Variants in CD58 observed in about 807,000 individuals in gnomAD.
CD58 encodes CD58 molecule.
Under a neutral mutation model 27.6 loss-of-function variants are expected in CD58, and 14 were observed. The ratio of observed to expected loss-of-function variants is 0.51; its 90% CI spans 0.34 to 0.79. The LOEUF (loss-of-function observed/expected upper bound fraction) is 0.79, where lower values mean the gene tolerates loss of function less well. Among genes scored for constraint, CD58 ranks in the 30% least tolerant of loss-of-function variants. CD58 has a pLI of 0.02. For synonymous variants in CD58, 117 were observed against 103.8 expected (o/e 1.13, Z -0.77); for missense variants, 268 against 301.7 (o/e 0.89, Z 0.83).
chr1:116,551,335 C>T (rs1158651226), intron 1 of CD58, among the ~76,000 whole-genome samples: 1 of 152,356 alleles, frequency 6.6e-6, no homozygotes, highest in African/African-American at 2.4e-5. Flanking sequence ...TGGATAATTT[C>T]TTGCAGCTTC....
rs1571054313 is a variant in CD58, at chr1:116,517,390, A to G, written c.743+1841T>C. Among the ~76,000 whole-genome samples the G allele has an allele frequency of 6.6e-6, 1 of 151,876 alleles. No individual in the cohort carries two copies. The highest frequency in any genetic ancestry group is 6.6e-5 in the Admixed American group (1 of 15,250). On this transcript the variant is annotated intron_variant, in intron 5 of 5. Transcript: ENST00000369489. The surrounding 1 kb of genome is among the most constrained non-coding windows in gnomAD (Gnocchi z 6.5). Reference sequence around the variant, plus strand: ...CTGCCCCTTGTACTTCCTTGCCCCCAGGCCTCCTGCCACAGCTTGTTTCTC... The same window carrying G: ...CTGCCCCTTGTACTTCCTTGCCCCCGGGCCTCCTGCCACAGCTTGTTTCTC...
Position 116,523,398 on chromosome 1 carries a change from AAG to A in CD58, c.629-1417_629-1416del, listed in dbSNP as rs1318316439. ...GGAAGGGAAAGGAAGGGAGAGGAGG[AAG>A]AGAGAGAGAAAATGAATGAATAAAT... On this transcript the variant is annotated intron_variant, in intron 3 of 5. Transcript: ENST00000369489. The surrounding 1 kb of genome is among the most constrained non-coding windows in gnomAD (Gnocchi z 4.4). Among the ~76,000 whole-genome samples, 2 of 152,096 alleles carry A rather than the reference AAG, an allele frequency of 1.3e-5. No individual in the cohort carries two copies. Among genetic ancestry groups the A allele is most frequent in the African/African-American group, 2.4e-5 (1 of 41,398 alleles).
chr1:116,532,919 G>T lies in CD58; in HGVS notation c.628+3046C>A. The T allele has an allele frequency of 9.4e-7, 1 of 1,060,580 alleles. No individual in the cohort carries two copies. Among genetic ancestry groups the T allele is most frequent in the Non-Finnish European group, 1.4e-6 (1 of 720,760 alleles). 65.7% of individuals were successfully genotyped at this position (1,060,580 alleles called of 1,614,324 possible). On this transcript the variant is annotated intron_variant, in intron 3 of 5. Coordinates refer to ENST00000369489, the MANE Select transcript of CD58 (RefSeq NM_001779.3). This position sits in a 1 kb window ranked among gnomAD's most constrained non-coding sequence, Gnocchi z 5.1. ...GGAGTCGCGACAGCCGGTCTGCCAGGCGCCCACCTCCACTTCCTACTGCTG... is the reference window on the plus strand; with the variant it reads ...GGAGTCGCGACAGCCGGTCTGCCAGTCGCCCACCTCCACTTCCTACTGCTG...
At chr1:116,555,518 C>T (rs1658532958) in intron 1 of CD58, among the ~76,000 whole-genome samples, 1 of 152,106 alleles carries the variant, frequency 6.6e-6, no homozygotes, top group Non-Finnish European at 1.5e-5. Flanking sequence ...ATTTTCTATG[C>T]TAGCCAGATA....
In CD58 at chr1:116,516,050, T is replaced by G. The variant is rs145642297; in HGVS notation, c.744-1228A>C. On this transcript the variant is annotated intron_variant, in intron 5 of 5. Coordinates refer to ENST00000369489, the MANE Select transcript of CD58 (RefSeq NM_001779.3). This position sits in a 1 kb window ranked among gnomAD's most constrained non-coding sequence, Gnocchi z 6.1. ...ATACAGAACCTTTTAACATTTTAAT[T>G]TAACTTAATTTTTTTGATGCCCAGG... 6.6e-6 allele frequency among the ~76,000 whole-genome samples: 1 copy of G among 152,228 alleles called. No individual in the cohort carries two copies. The highest frequency in any genetic ancestry group is 1.5e-5 in the Non-Finnish European group (1 of 68,014).
At chr1:116,568,972 A>T (rs1365228524) in intron 1 of CD58, among the ~76,000 whole-genome samples, 1 of 152,254 alleles carries the variant, frequency 6.6e-6, no homozygotes, top group Non-Finnish European at 1.5e-5. Context: ...GCCTATGCAG[A>T]GCAGTTTATA....
chr1:116,561,964 C>T (rs1330053649), intron 1 of CD58, among the ~76,000 whole-genome samples: 1 of 152,156 alleles, frequency 6.6e-6, no homozygotes, highest in East Asian at 1.9e-4. Flanking sequence ...TAACACTGGG[C>T]CTAGTTTTCC....
chr1:116,525,205 T>G (rs1657390781), intron 3 of CD58, among the ~76,000 whole-genome samples: 1 of 152,240 alleles, frequency 6.6e-6, no homozygotes, highest in Non-Finnish European at 1.5e-5. Flanking sequence ...TTCCACCTAT[T>G]CATATCCCCT....
At chr1:116,542,714 G>A (rs999064683) in intron 2 of CD58, among the ~76,000 whole-genome samples, 1 of 152,168 alleles carries the variant, frequency 6.6e-6, no homozygotes, top group Admixed American at 6.5e-5. Flanking sequence ...TCCCGAGGAC[G>A]GCAAGAGGAG....
At chr1:116,537,340 A>C (rs1191984674) in intron 2 of CD58, among the ~76,000 whole-genome samples, 4 of 152,238 alleles carry the variant, frequency 2.6e-5, no homozygotes, top group Non-Finnish European at 5.9e-5. Flanking sequence ...GGGGTGCTTA[A>C]TATGCAGAGG....
In CD58 at chr1:116,528,618, G is replaced by A. The variant is rs542346501; in HGVS notation, c.629-6635C>T. On this transcript the variant is annotated intron_variant, in intron 3 of 5. Transcript: ENST00000369489. The surrounding 1 kb of genome is among the most constrained non-coding windows in gnomAD (Gnocchi z 4.4). ...TTCAAAAAATGTGCCCTTTCCCTAG[G>A]CTCCCATTTAGAGTTCTGTGTCAAT... Among the ~76,000 whole-genome samples the A allele has an allele frequency of 3.5e-4, 54 of 152,242 alleles. No individual in the cohort carries two copies. The highest frequency in any genetic ancestry group is 6.8e-3 in the Middle Eastern group (2 of 294).
At chr1:116,548,487 T>C (rs745938261) in intron 1 of CD58, among the ~76,000 whole-genome samples, 3 of 152,250 alleles carry the variant, frequency 2.0e-5, no homozygotes, top group Non-Finnish European at 2.9e-5. Context: ...AGGTGAAAGA[T>C]GAGGATCCAG....
chr1:116,571,026 C>G lies in CD58; in HGVS notation c.-54G>C. 15 of 1,441,246 alleles carry G rather than the reference C, an allele frequency of 1.0e-5. No individual in the cohort carries two copies. Among genetic ancestry groups the G allele is most frequent in the Non-Finnish European group, 1.4e-5 (15 of 1,074,292 alleles). 89.3% of individuals were successfully genotyped at this position (1,441,246 alleles called of 1,614,324 possible). ...GCCCAGCCACAAGCAGCCCTAAGTT[C>G]AAGCACCGCCTACGCGGTCGGCCAG... On this transcript the variant is annotated 5_prime_UTR_variant, in exon 1 of 6. Coordinates refer to ENST00000369489, the MANE Select transcript of CD58 (RefSeq NM_001779.3).
Position 116,522,017 on chromosome 1 carries a change from T to C in CD58, c.629-34A>G. The C allele has an allele frequency of 1.7e-6, 2 of 1,186,612 alleles. No homozygotes were observed. The highest frequency in any genetic ancestry group is 1.5e-5 in the African/African-American group (1 of 65,674). The allele number at this position is 1,186,612 out of a possible 1,614,324, so 73.5% of individuals were successfully genotyped here. The stretch of plus-strand genomic sequence containing the variant: ...AAGAAAAGAAAAGAAATTCAACTAG[T>C]TGAACTGATCAAAATGGATCCTCAT... On this transcript the variant is annotated intron_variant, in intron 3 of 5. Transcript: ENST00000369489. The surrounding 1 kb of genome is among the most constrained non-coding windows in gnomAD (Gnocchi z 4.6).
At chr1:116,567,118 C>A (rs1375537059) in intron 1 of CD58, among the ~76,000 whole-genome samples, 2 of 147,544 alleles carry the variant, frequency 1.4e-5, no homozygotes, top group African/African-American at 5.0e-5. Context: ...CTAGCCTGGG[C>A]AACAGAGTGA....
Position 116,519,376 on chromosome 1 carries a change from C to T in CD58, c.707-109G>A. 1 of 919,822 alleles carries T rather than the reference C, an allele frequency of 1.1e-6. No homozygotes were observed. The highest frequency in any genetic ancestry group is 1.4e-5 in the South Asian group (1 of 71,380). The allele number at this position is 919,822 out of a possible 1,614,324, so 57.0% of individuals were successfully genotyped here. The stretch of plus-strand genomic sequence containing the variant: ...CTAAATATGGAAAACTAAGCCAGAG[C>T]CCCATCACCCTGGGATTTCCTGCTA... On this transcript the variant is annotated intron_variant, in intron 4 of 5. Transcript: ENST00000369489. The surrounding 1 kb of genome is among the most constrained non-coding windows in gnomAD (Gnocchi z 4.7).
chr1:116,550,658 T>C lies in CD58; in HGVS notation c.71-6054A>G, dbSNP rs947650705. Among the ~76,000 whole-genome samples the C allele has an allele frequency of 3.3e-5, 5 of 152,184 alleles. No individual in the cohort carries two copies. Among genetic ancestry groups the C allele is most frequent in the African/African-American group, 1.2e-4 (5 of 41,430 alleles). On this transcript the variant is annotated intron_variant, in intron 1 of 5. Transcript: ENST00000369489. This position sits in a 1 kb window ranked among gnomAD's most constrained non-coding sequence, Gnocchi z 4.2. The stretch of plus-strand genomic sequence containing the variant: ...ACTCCTGTTAATGTTGATATTTTGA[T>C]CTTCTCCCATGAACCACAAATATTC...
In CD58 at chr1:116,552,213, G is replaced by C. The variant is rs1658414716; in HGVS notation, c.71-7609C>G. On this transcript the variant is annotated intron_variant, in intron 1 of 5. Coordinates refer to ENST00000369489, the MANE Select transcript of CD58 (RefSeq NM_001779.3). The surrounding 1 kb of genome is among the most constrained non-coding windows in gnomAD (Gnocchi z 4.5). ...TGTCTCAGGTGACAAGGGAGGCCAG[G>C]AGAAGGAGAAAGATGGGGAGAACAG... is the stretch of plus-strand genomic sequence containing the variant. Among the ~76,000 whole-genome samples, 1 of 152,194 alleles carries C rather than the reference G, an allele frequency of 6.6e-6. No individual in the cohort carries two copies. The highest frequency in any genetic ancestry group is 6.5e-5 in the Admixed American group (1 of 15,282).
Position 116,532,845 on chromosome 1 carries a change from C to T in CD58, c.628+3120G>A, listed in dbSNP as rs1202467942. 7 of 604,602 alleles carry T rather than the reference C, an allele frequency of 1.2e-5. No homozygotes were observed. Among genetic ancestry groups the T allele is most frequent in the East Asian group, 6.3e-5 (2 of 31,802 alleles). 37.5% of individuals were successfully genotyped at this position (604,602 alleles called of 1,614,324 possible). ...GATTAGATGGAGTAAGCGCTGTCGA[C>T]GGGATTGTGCCGCATGCGGCAAAGA... On this transcript the variant is annotated intron_variant, in intron 3 of 5. Transcript: ENST00000369489. The surrounding 1 kb of genome is among the most constrained non-coding windows in gnomAD (Gnocchi z 5.1).
Sources: gnomAD v4.1 joint callset for allele counts (sites outside exome capture counted in the v4.1 genomes callset) on GRCh38, gnomAD v4.1.1 for gene constraint, Gnocchi (gnomAD v3.1) non-coding constraint, MANE v1.5 for transcripts, NCBI Gene and HGNC (gene_info 2026-07-23, HGNC 2026-07-21) for gene names.